NUP153: variants seen among roughly 807,000 people sequenced by gnomAD.
NUP153 encodes nuclear pore complex protein Nup153.
A neutral mutation model predicts 134.6 loss-of-function variants in NUP153; 27 were observed. The ratio of observed to expected loss-of-function variants is 0.20; its 90% confidence interval spans 0.15 to 0.28. The LOEUF is 0.28. NUP153 is among the 10% of genes least tolerant of loss of function. NUP153 has a pLI of 1.00. For missense variants in NUP153, 1,821 were observed against 1,731.3 expected (o/e 1.05, Z -0.92); for synonymous variants, 640 against 623.5 (o/e 1.03, Z -0.40).
intron 5 of NUP153, among the ~76,000 whole-genome samples, chr6:17,672,530 C>T (rs534827824): frequency 3.3e-5 from 5 of 152,258 alleles, no homozygotes; most frequent in South Asian, 2.1e-4. Flanking sequence ...GAGCCATGAT[C>T]GTGCCACTGC....
At chr6:17,682,925 G>GAAAAAA (rs58196936) in intron 2 of NUP153, among the ~76,000 whole-genome samples, 11 of 123,756 alleles carry the variant, frequency 8.9e-5, no homozygotes, top group Non-Finnish European at 1.6e-4. Context: ...CAAAAAAGAA[G>GAAAAAA]AAAAAAAAAA....
intron 1 of NUP153, among the ~76,000 whole-genome samples, chr6:17,698,222 T>C (rs1769792250): frequency 6.6e-6 from 1 of 152,194 alleles, no homozygotes; most frequent in African/African-American, 2.4e-5. Context: ...TAGGGTAAAC[T>C]TCGCTGCTGA....
At position 17,680,156 on chromosome 6, in the gene NUP153, C is replaced by T. The variant is rs1366524925; in HGVS notation, c.335-4386G>A. On this transcript the variant is annotated intron_variant, in intron 2 of 21. Coordinates refer to ENST00000262077, the MANE Select transcript of NUP153 (RefSeq NM_005124.4). The surrounding 1 kb of genome is among the most constrained non-coding windows in gnomAD (Gnocchi z 4.5). ...TTTCCCTTGCGCTCAAGCACAAGCC[C>T]TGAAATAAAAGTCCTGTCTGGGAAA... Among the ~76,000 whole-genome samples, 1 of 152,150 alleles carries T rather than the reference C, an allele frequency of 6.6e-6. No homozygotes were observed. The highest frequency in any genetic ancestry group is 1.5e-5 in the Non-Finnish European group (1 of 68,036).
intron 1 of NUP153, among the ~76,000 whole-genome samples, chr6:17,701,831 TCG>T (rs1491154508): frequency 2.0e-4 from 3 of 15,054 alleles, no homozygotes; most frequent in Admixed American, 1.3e-3. Context: ...AGACTCTGTC[TCG>T]GGGGGGGGGG....
chr6:17,618,821 C>A (rs984365101), intron 20 of NUP153, among the ~76,000 whole-genome samples: 1 of 152,170 alleles, frequency 6.6e-6, no homozygotes, highest in African/African-American at 2.4e-5. Flanking sequence ...CCGCCTTGGC[C>A]TCCCAAAGTG....
At chr6:17,682,286 G>A (rs1432400846) in intron 2 of NUP153, among the ~76,000 whole-genome samples, 2 of 152,146 alleles carry the variant, frequency 1.3e-5, no homozygotes, top group Non-Finnish European at 2.9e-5. Flanking sequence ...CCTTTAGAAA[G>A]TCATAATCTT....
At chr6:17,635,691 G>A (rs1201499766) in intron 16 of NUP153, among the ~76,000 whole-genome samples, 2 of 152,208 alleles carry the variant, frequency 1.3e-5, no homozygotes, top group Non-Finnish European at 2.9e-5. Flanking sequence ...GAGCCACAGT[G>A]TCTGGCCTAT....
chr6:17,685,572 T>C (rs916528078), intron 2 of NUP153, among the ~76,000 whole-genome samples: 4 of 150,278 alleles, frequency 2.7e-5, no homozygotes, highest in African/African-American at 9.8e-5. Context: ...AAAACTGTTA[T>C]ATAAACAGTT....
At chr6:17,695,805 C>A (rs887494365) in intron 1 of NUP153, among the ~76,000 whole-genome samples, 2 of 152,082 alleles carry the variant, frequency 1.3e-5, no homozygotes, top group African/African-American at 2.4e-5. Flanking sequence ...GTCAGGAGAT[C>A]GAGACCATCC....
At chr6:17,648,261 G>T (rs1766318573) in intron 12 of NUP153, among the ~76,000 whole-genome samples, 1 of 152,140 alleles carries the variant, frequency 6.6e-6, no homozygotes, top group Non-Finnish European at 1.5e-5. Flanking sequence ...CATGACAGAG[G>T]GAATTGCTTG....
chr6:17,620,634 G>A lies in NUP153; in HGVS notation c.4174+3927C>T, dbSNP rs975210366. On this transcript the variant is annotated intron_variant, in intron 20 of 21. Transcript: ENST00000262077. ...GTAGCCCAGGATGGCTCTGAATGCC[G>A]TCCAACACAAATTCATAAACTTTCT... 5.2e-4 allele frequency among the ~76,000 whole-genome samples: 79 copies of A among 152,038 alleles called. 1 individual carries two copies. Among genetic ancestry groups the A allele is most frequent in the Non-Finnish European group, 8.8e-5 (6 of 68,010 alleles).
At chr6:17,702,984 T>C (rs1394321382) in intron 1 of NUP153, among the ~76,000 whole-genome samples, 1 of 121,742 alleles carries the variant, frequency 8.2e-6, no homozygotes, top group Non-Finnish European at 1.9e-5. Context: ...GTGGATCACC[T>C]GAGGTCAGGA....
At chr6:17,682,253 C>T (rs116024884) in intron 2 of NUP153, among the ~76,000 whole-genome samples, 2,032 of 152,218 alleles carry the variant, frequency 0.013, 14 homozygotes, top group Non-Finnish European at 0.018. Flanking sequence ...AAAAAAATTG[C>T]TAACAAATAA....
chr6:17,624,629 C>T lies in NUP153; in HGVS notation c.4106G>A (p.Ser1369Asn). The T allele has an allele frequency of 6.2e-7, 1 of 1,614,148 alleles. No individual in the cohort carries two copies. The highest frequency in any genetic ancestry group is 1.1e-5 in the South Asian group (1 of 91,088). Residue 1369 changes from serine to asparagine, a missense_variant, in exon 20 of 22, where the codon AGC (serine) becomes AAC (asparagine). Physicochemically the swap from Ser to Asn is conservative, Grantham distance 46. Coordinates refer to ENST00000262077, the MANE Select transcript of NUP153 (RefSeq NM_005124.4). Reference protein sequence around the residue: ...PPTFGTVSSSSQPPVFGQQPS... With the variant: ...PPTFGTVSSSNQPPVFGQQPS... Reference sequence around the variant, plus strand: ...TTGCTGTCCAAACACAGGGGGCTGGCTACTGCTTGACACTGTCCCAAAAGT... The same window carrying T: ...TTGCTGTCCAAACACAGGGGGCTGGTTACTGCTTGACACTGTCCCAAAAGT...
chr6:17,625,786 A>C lies in NUP153; in HGVS notation c.3901+22T>G, dbSNP rs991852772. The C allele has an allele frequency of 5.1e-6, 8 of 1,558,752 alleles. No individual in the cohort carries two copies. Among genetic ancestry groups the C allele is most frequent in the Non-Finnish European group, 5.3e-6 (6 of 1,131,700 alleles). ...AGTAAAGTCCATCCAATTACAATGCATTTTTTCTTTTGTAAATGTACCTGC... is the reference window on the plus strand; with the variant it reads ...AGTAAAGTCCATCCAATTACAATGCCTTTTTTCTTTTGTAAATGTACCTGC... On this transcript the variant is annotated intron_variant, in intron 19 of 21. Transcript: ENST00000262077. This position sits in a 1 kb window ranked among gnomAD's most constrained non-coding sequence, Gnocchi z 4.7.
chr6:17,623,581 A>G (rs954015169), intron 20 of NUP153, among the ~76,000 whole-genome samples: 7 of 152,248 alleles, frequency 4.6e-5, no homozygotes, highest in African/African-American at 1.7e-4. Context: ...ACCAAGGTAC[A>G]TATACAAGAA....
At chr6:17,617,188 A>G (rs754738752) in intron 20 of NUP153, among the ~76,000 whole-genome samples, 1 of 152,144 alleles carries the variant, frequency 6.6e-6, no homozygotes, top group East Asian at 1.9e-4. Context: ...ACCTCCAACA[A>G]ATCACACAAC....
At position 17,677,452 on chromosome 6, in the gene NUP153, C is replaced by T. The variant is rs907943449; in HGVS notation, c.335-1682G>A. Among the ~76,000 whole-genome samples, 7 of 152,170 alleles carry T rather than the reference C, an allele frequency of 4.6e-5. No homozygotes were observed. In the South Asian group the frequency reaches 1.0e-3, roughly 23 times the overall value. On this transcript the variant is annotated intron_variant, in intron 2 of 21. Coordinates refer to ENST00000262077, the MANE Select transcript of NUP153 (RefSeq NM_005124.4). ...GGAGAGTAGGTGTTAGAAACTTTAA[C>T]CAAAGGTAGCAGACAAAGACCTTAA...
intron 20 of NUP153, among the ~76,000 whole-genome samples, chr6:17,623,105 G>A (rs1278839912): frequency 1.3e-5 from 2 of 150,800 alleles, no homozygotes; most frequent in African/African-American, 4.9e-5. Flanking sequence ...ACTCCAGCAT[G>A]GGCGACACAG....
Sources: allele counts gnomAD v4.1 joint callset (sites outside exome capture counted in the v4.1 genomes callset), GRCh38; gene constraint gnomAD v4.1.1; non-coding constraint Gnocchi (gnomAD v3.1); transcripts MANE v1.5; gene names NCBI Gene and HGNC (gene_info 2026-07-23, HGNC 2026-07-21).